Variants in EPHB1 observed in about 807,000 individuals in gnomAD.
EPHB1 encodes the protein ephrin type-B receptor 1.
A neutral mutation model predicts 94.4 loss-of-function variants in EPHB1; 30 were observed. The observed-to-expected ratio is 0.32, with a 90% CI of 0.24 to 0.43. The LOEUF (loss-of-function observed/expected upper bound fraction) is 0.43. EPHB1 is among the 20% of genes least tolerant of loss of function. The pLI is 1.00. For synonymous variants in EPHB1, 522 were observed against 489.1 expected, an observed-to-expected ratio of 1.07 and a Z score of -0.89; for missense variants, 1,055 against 1,308.3, an observed-to-expected ratio of 0.81 and a Z score of 2.99.
chr3:135,082,654 A>G (rs1938204095), intron 3 of EPHB1, among the ~76,000 whole-genome samples: 1 of 152,202 alleles, frequency 6.6e-6, no homozygotes, highest in African/African-American at 2.4e-5. Flanking sequence ...AATAGGACAC[A>G]TTTCAGGTTT....
intron 3 of EPHB1, among the ~76,000 whole-genome samples, chr3:135,023,024 C>A (rs1193869840): frequency 6.6e-6 from 1 of 152,162 alleles, no homozygotes; most frequent in Non-Finnish European, 1.5e-5. Flanking sequence ...TAGATATTGT[C>A]CAACGTGTTC....
intron 1 of EPHB1, among the ~76,000 whole-genome samples, chr3:134,905,280 C>A (rs1405234008): frequency 6.6e-6 from 1 of 152,220 alleles, no homozygotes; most frequent in African/African-American, 2.4e-5. Flanking sequence ...GCCCCAGGAG[C>A]CTCTCTCTGA....
At chr3:134,931,245 A>G (rs1276422921) in intron 2 of EPHB1, among the ~76,000 whole-genome samples, 3 of 152,258 alleles carry the variant, frequency 2.0e-5, no homozygotes, top group Non-Finnish European at 1.5e-5. Context: ...GGACAGGCAG[A>G]AGAAAGTCCC....
At chr3:135,005,098 T>G (rs913835560) in intron 3 of EPHB1, among the ~76,000 whole-genome samples, 3 of 152,218 alleles carry the variant, frequency 2.0e-5, no homozygotes, top group Admixed American at 2.0e-4. Context: ...TTTTATCCAC[T>G]TTTGGTCTTT....
chr3:134,875,694 C>T (rs1020980545), intron 1 of EPHB1, among the ~76,000 whole-genome samples: 5 of 152,168 alleles, frequency 3.3e-5, no homozygotes, highest in South Asian at 2.1e-4. Context: ...CACCATAGAT[C>T]GCTGTACCTA....
chr3:134,809,668 C>T lies in EPHB1; in HGVS notation c.58+13979C>T, dbSNP rs144680845. Among the ~76,000 whole-genome samples the T allele has an allele frequency of 2.4e-3, 372 of 152,320 alleles. 2 individuals are homozygous for T. Among genetic ancestry groups the T allele is most frequent in the African/African-American group, 8.5e-3 (354 of 41,588 alleles). ...TTATGGTGCCTGAGTTACCAAACCA[C>T]GCCCTGCCTAGACATGAAGCACATT... On this transcript the variant is annotated intron_variant, in intron 1 of 15. Coordinates refer to ENST00000398015, the MANE Select transcript of EPHB1 (RefSeq NM_004441.5).
chr3:134,851,366 G>A (rs910503311), intron 1 of EPHB1, among the ~76,000 whole-genome samples: 2 of 152,070 alleles, frequency 1.3e-5, no homozygotes, highest in Non-Finnish European at 2.9e-5. Flanking sequence ...CTTTGACCCG[G>A]ATCCCCATCT....
chr3:135,011,895 A>G (rs1237123874), intron 3 of EPHB1, among the ~76,000 whole-genome samples: 1 of 151,992 alleles, frequency 6.6e-6, no homozygotes, highest in African/African-American at 2.4e-5. Context: ...CTTTTTTCCT[A>G]TCTCCTGTTT....
chr3:135,141,145 CTTT>C (rs59743607), intron 5 of EPHB1, among the ~76,000 whole-genome samples: 124 of 131,276 alleles, frequency 9.4e-4, no homozygotes, highest in African/African-American at 3.4e-3. Context: ...CTTTCCTTTC[CTTT>C]TTTTTTTTTT....
chr3:135,260,104 C>A lies in EPHB1; in HGVS notation c.*984C>A. The A allele has an allele frequency of 4.3e-6, 1 of 232,846 alleles. No homozygotes were observed. The highest frequency in any genetic ancestry group is 1.8e-4 in the South Asian group (1 of 5,522). 14.4% of individuals were successfully genotyped at this position (232,846 alleles called of 1,614,324 possible). A position where few individuals can be genotyped will look rare whatever the true frequency, so the allele number is the denominator to read the frequency against. ...ACAGGTGAGTGGTTTGAATTGGATG[C>A]AGTGTGGGCCATCCTGGAATGATAC... On this transcript the variant is annotated 3_prime_UTR_variant, in exon 16 of 16. Coordinates refer to ENST00000398015, the MANE Select transcript of EPHB1 (RefSeq NM_004441.5).
intron 3 of EPHB1, among the ~76,000 whole-genome samples, chr3:135,014,209 G>A (rs1157762861): frequency 6.6e-6 from 1 of 152,174 alleles, no homozygotes; most frequent in Non-Finnish European, 1.5e-5. Context: ...GGGAATTGAA[G>A]ATTCAGGGAG....
intron 12 of EPHB1, among the ~76,000 whole-genome samples, chr3:135,240,674 TGTA>T (rs1478750833): frequency 1.3e-5 from 2 of 152,150 alleles, no homozygotes; most frequent in Non-Finnish European, 2.9e-5. Flanking sequence ...AGCATGACCT[TGTA>T]GTGGCAGGGC....
chr3:135,046,702 G>T (rs1375687862), intron 3 of EPHB1, among the ~76,000 whole-genome samples: 3 of 152,170 alleles, frequency 2.0e-5, no homozygotes, highest in Non-Finnish European at 4.4e-5. Context: ...AGCAATCTGT[G>T]TCTTAACAAG....
intron 5 of EPHB1, among the ~76,000 whole-genome samples, chr3:135,137,211 A>G (rs1477157250): frequency 6.6e-6 from 1 of 152,168 alleles, no homozygotes; most frequent in Non-Finnish European, 1.5e-5. Context: ...CAGGTAATGG[A>G]GAGGAGCAAA....
chr3:134,963,194 T>A (rs947365579), intron 3 of EPHB1, among the ~76,000 whole-genome samples: 1 of 146,000 alleles, frequency 6.8e-6, no homozygotes, highest in African/African-American at 2.5e-5. Flanking sequence ...TCTTCCTTCT[T>A]CTTCTGTACT....
intron 3 of EPHB1, among the ~76,000 whole-genome samples, chr3:134,983,302 GATA>G (rs1934478687): frequency 6.6e-6 from 1 of 152,250 alleles, no homozygotes; most frequent in South Asian, 2.1e-4. Context: ...TCATCCTGGA[GATA>G]ATGTGTAAGT....
chr3:135,030,325 C>G (rs1315853295), intron 3 of EPHB1, among the ~76,000 whole-genome samples: 5 of 152,212 alleles, frequency 3.3e-5, no homozygotes, highest in Non-Finnish European at 5.9e-5. Context: ...TCCATTTTTT[C>G]TGTTCTGTTT....
intron 1 of EPHB1, among the ~76,000 whole-genome samples, chr3:134,878,818 T>C (rs1265038581): frequency 1.3e-5 from 2 of 152,218 alleles, no homozygotes; most frequent in African/African-American, 4.8e-5. Flanking sequence ...TGTTCATTTG[T>C]AAAACAGTCA....
chr3:135,200,281 G>A (rs936991723), intron 11 of EPHB1, among the ~76,000 whole-genome samples: 2 of 152,226 alleles, frequency 1.3e-5, no homozygotes, highest in African/African-American at 2.4e-5. Flanking sequence ...TCACTGAAGA[G>A]TCTGTTGTCT....
Sources: gnomAD v4.1 joint callset for allele counts (sites outside exome capture counted in the v4.1 genomes callset) on GRCh38, gnomAD v4.1.1 for gene constraint, MANE v1.5 for transcripts, NCBI Gene and HGNC (gene_info 2026-07-23, HGNC 2026-07-21) for gene names.